Variants in LRP1B observed in about 807,000 individuals in gnomAD.
LRP1B encodes low-density lipoprotein receptor-related protein 1B.
In LRP1B, 217 loss-of-function variants were observed where a neutral mutation model predicts 556.6. The observed-to-expected ratio is 0.39, with a 90% CI of 0.35 to 0.44. The LOEUF (loss-of-function observed/expected upper bound fraction) is 0.44. LRP1B is among the 20% of genes least tolerant of loss of function. The pLI is 1.00. For missense variants in LRP1B, 5,053 were observed against 5,620.8 expected (o/e 0.90, Z 3.23); for synonymous variants, 2,047 against 1,865.8 (o/e 1.10, Z -2.50).
intron 47 of LRP1B, among the ~76,000 whole-genome samples, chr2:140,533,479 C>G (rs1690810984): frequency 6.6e-6 from 1 of 152,024 alleles, no homozygotes; most frequent in Admixed American, 6.6e-5. Context: ...ATTAGCATGA[C>G]TGATGACATA....
At chr2:140,357,957 G>T in intron 74 of LRP1B, 22 bp downstream of exon 74, 2 of 1,599,914 alleles carry the variant, frequency 1.3e-6, no homozygotes, top group Non-Finnish European at 1.7e-6. Context: ...CCGGTGCTTT[G>T]CTTAACAGAA....
chr2:141,658,581 G>A (rs1690100252), intron 2 of LRP1B, among the ~76,000 whole-genome samples: 1 of 152,174 alleles, frequency 6.6e-6, no homozygotes, highest in African/African-American at 2.4e-5. Flanking sequence ...CCTGTCGGGT[G>A]AATGCAGCTA....
At chr2:140,302,367 C>G (rs1429704797) in intron 83 of LRP1B, among the ~76,000 whole-genome samples, 7 of 152,170 alleles carry the variant, frequency 4.6e-5, no homozygotes, top group African/African-American at 1.7e-4. Context: ...ACTCTTCCCA[C>G]TCCCTAAAAG....
intron 87 of LRP1B, among the ~76,000 whole-genome samples, chr2:140,240,254 C>T (rs1052406964): frequency 6.6e-6 from 1 of 150,716 alleles, no homozygotes; most frequent in Non-Finnish European, 1.5e-5. Context: ...AGGAGTTTGG[C>T]TTATGTGGCA....
At position 140,231,837 on chromosome 2, in the gene LRP1B, AC is replaced by A. The variant is rs1350967983; in HGVS notation, c.*1348del. On this transcript the variant is annotated 3_prime_UTR_variant, in exon 91 of 91. Transcript: ENST00000389484. ...AAAGTCAGTCATGTCTATCAGAGGA[AC>A]AAAAAGCCCTCCAAAACTTGTGAAT... 1 of 151,800 alleles carries A rather than the reference AC, an allele frequency of 6.6e-6. No individual in the cohort carries two copies. Among genetic ancestry groups the A allele is most frequent in the Non-Finnish European group, 1.5e-5 (1 of 67,576 alleles). The allele number at this position is 151,800 out of a possible 1,614,324, so 9.4% of individuals were successfully genotyped here.
chr2:142,123,906 G>A (rs1460494307), intron 1 of LRP1B, among the ~76,000 whole-genome samples: 1 of 151,842 alleles, frequency 6.6e-6, no homozygotes, highest in Non-Finnish European at 1.5e-5. Context: ...TTTTCTAAAG[G>A]TAAAGACACC....
intron 17 of LRP1B, among the ~76,000 whole-genome samples, chr2:140,988,159 G>T (rs1484690398): frequency 6.6e-6 from 1 of 152,162 alleles, no homozygotes; most frequent in African/African-American, 2.4e-5. Flanking sequence ...CTTGGATCAA[G>T]TTTCCCCTGA....
intron 2 of LRP1B, among the ~76,000 whole-genome samples, chr2:141,732,394 T>C (rs1693307730): frequency 6.6e-6 from 1 of 152,120 alleles, no homozygotes. Flanking sequence ...ATGCTTCTAG[T>C]TCATTTAACA....
chr2:141,931,612 T>C (rs2104995701), intron 1 of LRP1B, among the ~76,000 whole-genome samples: 1 of 152,210 alleles, frequency 6.6e-6, no homozygotes, highest in South Asian at 2.1e-4. Context: ...AAATGTCTTA[T>C]TAATCCTTTA....
At chr2:141,527,145 G>GA in intron 2 of LRP1B, among the ~76,000 whole-genome samples, 1 of 151,992 alleles carries the variant, frequency 6.6e-6, no homozygotes, top group African/African-American at 2.4e-5. Flanking sequence ...ATTTTATTTA[G>GA]TTTTTAGGCA....
chr2:141,125,439 A>G (rs962289610), intron 7 of LRP1B, among the ~76,000 whole-genome samples: 3 of 152,220 alleles, frequency 2.0e-5, no homozygotes, highest in African/African-American at 7.2e-5. Context: ...GACAGAAAGA[A>G]TGCAGAGAAA....
intron 18 of LRP1B, among the ~76,000 whole-genome samples, chr2:140,963,289 AAAG>A (rs746158701): frequency 2.0e-3 from 300 of 152,276 alleles, no homozygotes; most frequent in African/African-American, 2.8e-3. Flanking sequence ...CCACTTGAGA[AAAG>A]AAGATTATTT....
At chr2:141,934,352 A>G (rs1296662215) in intron 1 of LRP1B, among the ~76,000 whole-genome samples, 1 of 152,194 alleles carries the variant, frequency 6.6e-6, no homozygotes, top group Non-Finnish European at 1.5e-5. Context: ...AATGTTTTAA[A>G]AAATGACTGA....
chr2:140,298,846 T>C (rs1245813635), intron 83 of LRP1B, among the ~76,000 whole-genome samples: 2 of 152,030 alleles, frequency 1.3e-5, no homozygotes, highest in Admixed American at 6.6e-5. Context: ...ACTAGCTCTG[T>C]AGGAGAAGAG....
At chr2:141,191,871 A>G (rs1681526378) in intron 6 of LRP1B, among the ~76,000 whole-genome samples, 1 of 151,936 alleles carries the variant, frequency 6.6e-6, no homozygotes, top group African/African-American at 2.4e-5. Context: ...TATGTGCCAG[A>G]GTCCATTCAA....
chr2:141,673,431 C>T (rs769247779), intron 2 of LRP1B, among the ~76,000 whole-genome samples: 2 of 152,138 alleles, frequency 1.3e-5, no homozygotes. Flanking sequence ...TGTGTCTTCC[C>T]TCAATTTCCC....
chr2:140,925,785 G>T (rs1279383753), intron 20 of LRP1B, among the ~76,000 whole-genome samples: 1 of 152,050 alleles, frequency 6.6e-6, no homozygotes, highest in Non-Finnish European at 1.5e-5. Flanking sequence ...GGAGCGTCTT[G>T]GGCTGGCATC....
chr2:140,335,511 C>G (rs990815625), intron 78 of LRP1B, 104 bp downstream of exon 78: 1 of 723,396 alleles, frequency 1.4e-6, no homozygotes, highest in Non-Finnish European at 2.5e-6. Context: ...GCATGTGACA[C>G]TATTACACAT....
chr2:140,492,571 T>A, intron 57 of LRP1B, 37 bp downstream of exon 57: 3 of 1,395,698 alleles, frequency 2.1e-6, no homozygotes, highest in South Asian at 1.2e-5. Flanking sequence ...CTAGTGCACA[T>A]GTTAAATGTT....
Sources: gnomAD v4.1 joint callset for allele counts (sites outside exome capture counted in the v4.1 genomes callset) on GRCh38, gnomAD v4.1.1 for gene constraint, MANE v1.5 for transcripts, NCBI Gene and HGNC (gene_info 2026-07-23, HGNC 2026-07-21) for gene names.